The following PCDHA3 variants were observed in gnomAD, a reference collection of about 807,000 sequenced individuals.
PCDHA3 encodes protocadherin alpha 3, also known as protocadherin alpha-3.
A neutral mutation model predicts 62.2 loss-of-function variants in PCDHA3; 41 were observed. The observed-to-expected ratio is 0.66, with a 90% CI of 0.51 to 0.86. The LOEUF is 0.86. PCDHA3 is among the 40% of genes least tolerant of loss of function. The probability of loss-of-function intolerance (pLI) is 0.00; values close to 1 mark genes in which losing one functional copy is unlikely to be tolerated. For synonymous variants in PCDHA3, 640 were observed against 555.4 expected, an observed-to-expected ratio of 1.15 and a Z score of -2.14; for missense variants, 1,304 against 1,241.2, an observed-to-expected ratio of 1.05 and a Z score of -0.76.
chr5:140,857,986 A>G (rs782102316), intron 1 of PCDHA3: 4 of 1,596,686 alleles, frequency 2.5e-6, no homozygotes, highest in East Asian at 2.2e-5. Flanking sequence ...GCCAGCGCCT[A>G]CTGGTGCTGG....
intron 1 of PCDHA3, chr5:140,968,530 A>G (rs1554230830): frequency 6.2e-7 from 1 of 1,614,174 alleles, no homozygotes; most frequent in East Asian, 2.2e-5. Context: ...CCAACTCGTC[A>G]GCAGCCTTCG....
intron 1 of PCDHA3, among the ~76,000 whole-genome samples, chr5:140,889,628 TTTTC>T (rs2062304515): frequency 6.6e-6 from 1 of 152,186 alleles, no homozygotes; most frequent in African/African-American, 2.4e-5. Flanking sequence ...ATTTCTCTTC[TTTTC>T]ATTTGTGTTT....
intron 1 of PCDHA3, among the ~76,000 whole-genome samples, chr5:140,972,039 C>A (rs1274808907): frequency 2.6e-5 from 4 of 152,150 alleles, no homozygotes; most frequent in African/African-American, 9.7e-5. Context: ...TTTAAGCTAT[C>A]ACTAATTCAC....
chr5:140,875,603 T>C (rs2055641899), intron 1 of PCDHA3: 1 of 1,613,724 alleles, frequency 6.2e-7, no homozygotes, highest in Admixed American at 1.7e-5. Context: ...CACGGCACCT[T>C]CGTGGGCCGC....
At chr5:140,875,251 A>T in intron 1 of PCDHA3, 1 of 1,029,376 alleles carries the variant, frequency 9.7e-7, no homozygotes. Context: ...ATAATCAGTC[A>T]CATGATGTCG....
chr5:140,967,757 T>C, intron 1 of PCDHA3: 1 of 1,614,216 alleles, frequency 6.2e-7, no homozygotes, highest in Non-Finnish European at 8.5e-7. Flanking sequence ...AGCCTCCTCC[T>C]ACCAGATCTA....
intron 1 of PCDHA3, among the ~76,000 whole-genome samples, chr5:140,817,749 C>T (rs2150098940): frequency 6.6e-6 from 1 of 152,086 alleles, no homozygotes; most frequent in Non-Finnish European, 1.5e-5. Context: ...GATCATTTTC[C>T]TTCTGAAGAA....
chr5:140,889,497 A>G (rs1024054854), intron 1 of PCDHA3, among the ~76,000 whole-genome samples: 1 of 152,188 alleles, frequency 6.6e-6, no homozygotes, highest in South Asian at 2.1e-4. Flanking sequence ...ATCTATAGTG[A>G]TATTTCCCTT....
At chr5:140,836,236 C>G (rs2150256110) in intron 1 of PCDHA3, 11 of 1,613,794 alleles carry the variant, frequency 6.8e-6, no homozygotes, top group Middle Eastern at 1.6e-4. Context: ...GCGGCCGGTG[C>G]GAGCATCCCG....
chr5:141,010,006 T>C lies in PCDHA3; in HGVS notation c.*69T>C. The stretch of plus-strand genomic sequence containing the variant: ...ATGGCAAATCTCTCCCATGTAGCAA[T>C]TCCCTGCTCCTTTTTCCTATCTACA... On this transcript the variant is annotated 3_prime_UTR_variant, in exon 4 of 4. Transcript: ENST00000522353. 1 of 1,572,424 alleles carries C rather than the reference T, an allele frequency of 6.4e-7. No individual in the cohort carries two copies. Among genetic ancestry groups the C allele is most frequent in the Non-Finnish European group, 8.6e-7 (1 of 1,163,442 alleles).
chr5:140,810,980 TA>T (rs1554125624), intron 1 of PCDHA3: 1 of 152,128 alleles, frequency 6.6e-6, no homozygotes, highest in African/African-American at 2.4e-5. Context: ...TGTTGTGAGG[TA>T]GGGGTCAAGA....
intron 1 of PCDHA3, chr5:140,841,467 C>A: frequency 6.2e-7 from 1 of 1,612,946 alleles, no homozygotes; most frequent in Non-Finnish European, 8.5e-7. Context: ...GGCCGGATCG[C>A]GCAGGACCTG....
intron 1 of PCDHA3, chr5:140,805,555 A>AG (rs1181654207): frequency 2.0e-6 from 2 of 976,730 alleles, no homozygotes; most frequent in Non-Finnish European, 1.2e-6. Flanking sequence ...TGGATATAGG[A>AG]GGCAAGGAAA....
rs1019397100 is a variant in PCDHA3, at chr5:140,953,409, G to A, written c.2395-25540G>A. On this transcript the variant is annotated intron_variant, in intron 1 of 3. Transcript: ENST00000522353. ...TGTGGATTACAGTGCTGTTGCTCCTGGCTCCTCCCCTTTGTCCTTAAGCTG... is the reference window on the plus strand; with the variant it reads ...TGTGGATTACAGTGCTGTTGCTCCTAGCTCCTCCCCTTTGTCCTTAAGCTG... Among the ~76,000 whole-genome samples, 14 of 152,194 alleles carry A rather than the reference G, an allele frequency of 9.2e-5. No individual in the cohort carries two copies. The South Asian group carries it at 2.9e-3, about 32-fold the overall frequency.
intron 1 of PCDHA3, among the ~76,000 whole-genome samples, chr5:140,826,093 T>C (rs1198745470): frequency 2.6e-5 from 4 of 152,224 alleles, no homozygotes; most frequent in Non-Finnish European, 4.4e-5. Flanking sequence ...TAAGTACCCT[T>C]CTATCATGCT....
At chr5:140,807,447 A>G in intron 1 of PCDHA3, 1 of 1,605,784 alleles carries the variant, frequency 6.2e-7, no homozygotes, top group Non-Finnish European at 8.5e-7. Context: ...TTGTTTGTGA[A>G]TTCTCGGATC....
chr5:140,950,086 T>G (rs1178086288), intron 1 of PCDHA3, among the ~76,000 whole-genome samples: 1 of 151,946 alleles, frequency 6.6e-6, no homozygotes, highest in Non-Finnish European at 1.5e-5. Flanking sequence ...TATGCTATAG[T>G]TTTCATTTGT....
chr5:140,850,103 C>G (rs2150467019), intron 1 of PCDHA3: 2 of 1,596,104 alleles, frequency 1.3e-6, no homozygotes, highest in Admixed American at 3.4e-5. Flanking sequence ...TCCAGGTGAG[C>G]GCGCGCGACG....
intron 1 of PCDHA3, chr5:140,926,951 G>A: frequency 3.8e-6 from 6 of 1,596,266 alleles, no homozygotes; most frequent in South Asian, 1.1e-5. Context: ...GCTGCAGCGG[G>A]ACAGCTCGAG....
Sources: gnomAD v4.1 joint callset for allele counts (sites outside exome capture counted in the v4.1 genomes callset) on GRCh38, gnomAD v4.1.1 for gene constraint, MANE v1.5 for transcripts, NCBI Gene and HGNC (gene_info 2026-07-23, HGNC 2026-07-21) for gene names.